TLCD4: variants seen among roughly 807,000 people sequenced by gnomAD.
The protein encoded by TLCD4 is TLC domain containing 4.
Under a neutral mutation model 24.2 loss-of-function variants are expected in TLCD4, and 7 were observed. That is an observed-to-expected ratio of 0.29 (90% CI 0.16 to 0.54). TLCD4 has a LOEUF of 0.54. Ranked by LOEUF, TLCD4 falls within the 20% of genes least tolerant of loss-of-function variation. The pLI, the probability that TLCD4 is intolerant of heterozygous loss-of-function variation, is 0.95. For synonymous variants in TLCD4, 103 were observed against 106.4 expected, an observed-to-expected ratio of 0.97 and a Z score of 0.20; for missense variants, 259 against 313.9, an observed-to-expected ratio of 0.82 and a Z score of 1.32.
intron 5 of TLCD4, among the ~76,000 whole-genome samples, chr1:95,159,499 CTTTAG>C (rs1312883424): frequency 6.6e-6 from 1 of 152,134 alleles, no homozygotes; most frequent in Non-Finnish European, 1.5e-5. Context: ...TGCAGAAGCT[CTTTAG>C]TTTAATTAGA....
chr1:95,159,442 C>T (rs555908642), intron 5 of TLCD4, among the ~76,000 whole-genome samples: 77 of 152,278 alleles, frequency 5.1e-4, no homozygotes, highest in African/African-American at 1.8e-3. Context: ...CAAAAATTTT[C>T]TCTCATTCTG....
intron 6 of TLCD4, among the ~76,000 whole-genome samples, chr1:95,182,064 A>G (rs1678665290): frequency 6.6e-6 from 1 of 152,188 alleles, no homozygotes. Flanking sequence ...TCTCATTAGA[A>G]AAGTCTTTAA....
chr1:95,099,498 T>A, the TLCD4 span, among the ~76,000 whole-genome samples: 1 of 152,204 alleles, frequency 6.6e-6, no homozygotes, highest in African/African-American at 2.4e-5. Flanking sequence ...TTATATCACA[T>A]GTAGTTATTT....
At chr1:95,157,324 A>G (rs1168206708) in intron 5 of TLCD4, among the ~76,000 whole-genome samples, 1 of 152,230 alleles carries the variant, frequency 6.6e-6, no homozygotes, top group Non-Finnish European at 1.5e-5. Flanking sequence ...TATGTATATT[A>G]CAAAAATGTG....
the TLCD4 span, among the ~76,000 whole-genome samples, chr1:95,103,777 A>G: frequency 6.6e-6 from 1 of 152,252 alleles, no homozygotes; most frequent in Non-Finnish European, 1.5e-5. Context: ...TTGTACGACT[A>G]GCAATCAGAA....
intron 1 of TLCD4, among the ~76,000 whole-genome samples, chr1:95,136,328 G>A (rs1156705853): frequency 6.6e-6 from 1 of 152,044 alleles, no homozygotes; most frequent in Non-Finnish European, 1.5e-5. Context: ...GGTCTTGTGT[G>A]TATGGCTATT....
chr1:95,171,050 TC>T (rs34290853), intron 5 of TLCD4, among the ~76,000 whole-genome samples: 39,021 of 151,688 alleles, frequency 0.26, 6,182 homozygotes, highest in African/African-American at 0.44. Flanking sequence ...GCTTTTCTCA[TC>T]CCCCCCCTTT....
chr1:95,109,164 C>CA, the TLCD4 span, among the ~76,000 whole-genome samples: 1 of 151,840 alleles, frequency 6.6e-6, no homozygotes, highest in South Asian at 2.1e-4. Context: ...CCCGTCTCTG[C>CA]AAAAAATACA....
At chr1:95,138,762 A>G (rs536614868) in intron 1 of TLCD4, among the ~76,000 whole-genome samples, 2 of 152,270 alleles carry the variant, frequency 1.3e-5, no homozygotes, top group South Asian at 4.1e-4. Context: ...AATGCCAAGT[A>G]TTTGTGTATC....
intron 5 of TLCD4, among the ~76,000 whole-genome samples, chr1:95,171,322 A>G (rs1678212740): frequency 6.6e-6 from 1 of 152,128 alleles, no homozygotes; most frequent in African/African-American, 2.4e-5. Flanking sequence ...CCATTTTACC[A>G]CTGAAAATCC....
At chr1:95,106,985 A>C in the TLCD4 span, among the ~76,000 whole-genome samples, 5 of 152,198 alleles carry the variant, frequency 3.3e-5, no homozygotes, top group Non-Finnish European at 7.3e-5. Context: ...TTAGTGATAC[A>C]CATGATTCAT....
intron 5 of TLCD4, among the ~76,000 whole-genome samples, chr1:95,156,088 T>G (rs1222846808): frequency 6.6e-6 from 1 of 152,142 alleles, no homozygotes; most frequent in African/African-American, 2.4e-5. Context: ...GTTTTCTAGG[T>G]CTGATTCTCC....
intron 6 of TLCD4, among the ~76,000 whole-genome samples, chr1:95,183,863 AAAAAAAAC>A (rs1678737388): frequency 6.7e-6 from 1 of 148,308 alleles, no homozygotes; most frequent in South Asian, 2.2e-4. Flanking sequence ...AAACAAAAAC[AAAAAAAAC>A]AAAAAAACAA....
the TLCD4 span, among the ~76,000 whole-genome samples, chr1:95,097,900 T>G: frequency 6.6e-6 from 1 of 152,162 alleles, no homozygotes; most frequent in Non-Finnish European, 1.5e-5. Context: ...CCTGAACAAA[T>G]CAAGCAGCAT....
At chr1:95,097,265 A>G in the TLCD4 span, among the ~76,000 whole-genome samples, 2 of 152,226 alleles carry the variant, frequency 1.3e-5, no homozygotes, top group African/African-American at 4.8e-5. Flanking sequence ...TATACAATAG[A>G]TTATTGTAAA....
chr1:95,169,694 A>G (rs564397124), intron 5 of TLCD4, among the ~76,000 whole-genome samples: 1 of 152,192 alleles, frequency 6.6e-6, no homozygotes, highest in African/African-American at 2.4e-5. Flanking sequence ...AATTTTTTTA[A>G]AGAAACGGTT....
chr1:95,167,597 G>A (rs78772419), intron 5 of TLCD4, among the ~76,000 whole-genome samples: 9,478 of 152,028 alleles, frequency 0.062, 763 homozygotes, highest in African/African-American at 0.18. Flanking sequence ...CTACCCTGAC[G>A]CACGGTAATC....
At chr1:95,117,306 C>T (rs1676449339), upstream of TLCD4, 1 of 152,238 alleles carries the variant, frequency 6.6e-6, no homozygotes, top group Admixed American at 6.5e-5. Flanking sequence ...TGGCCAGGGT[C>T]GGAGCCGCCC....
chr1:95,144,764 C>T (rs746395110), intron 2 of TLCD4, among the ~76,000 whole-genome samples: 15 of 152,016 alleles, frequency 9.9e-5, no homozygotes, highest in South Asian at 2.1e-4. Flanking sequence ...AATCTTGGCT[C>T]GCTGCAACCT....
Sources: gnomAD v4.1 joint callset for allele counts (sites outside exome capture counted in the v4.1 genomes callset) on GRCh38, gnomAD v4.1.1 for gene constraint, MANE v1.5 for transcripts, NCBI Gene and HGNC (gene_info 2026-07-23, HGNC 2026-07-21) for gene names.